The following KCTD8 variants were observed in gnomAD, a reference collection of about 807,000 sequenced individuals.
KCTD8 encodes the protein BTB/POZ domain-containing protein KCTD8.
KCTD8 carries 27 observed loss-of-function variants against 31.5 expected under a neutral mutation model. The observed-to-expected ratio is 0.86, with a 90% CI of 0.63 to 1.18. KCTD8 has a LOEUF of 1.18. Ranked by LOEUF, KCTD8 falls within the 50% of genes most tolerant of loss-of-function variation. The probability of loss-of-function intolerance (pLI) is 0.00; values close to 1 mark genes in which losing one functional copy is unlikely to be tolerated. For missense variants in KCTD8, 658 were observed against 647.7 expected, an observed-to-expected ratio of 1.02 and a Z score of -0.17; for synonymous variants, 290 against 280.0, an observed-to-expected ratio of 1.04 and a Z score of -0.36.
At chr4:44,382,753 C>G (rs1464341098) in intron 1 of KCTD8, among the ~76,000 whole-genome samples, 1 of 147,952 alleles carries the variant, frequency 6.8e-6, no homozygotes, top group South Asian at 2.1e-4. Context: ...AGAATTCAAA[C>G]AAGACAAGAA....
At chr4:44,185,291 A>G (rs1713551074) in intron 1 of KCTD8, among the ~76,000 whole-genome samples, 1 of 152,142 alleles carries the variant, frequency 6.6e-6, no homozygotes, top group Non-Finnish European at 1.5e-5. Context: ...CTCTGTTCCA[A>G]TTTCCACCAC....
intron 1 of KCTD8, among the ~76,000 whole-genome samples, chr4:44,198,414 T>C (rs1190779129): frequency 2.6e-5 from 4 of 152,012 alleles, no homozygotes; most frequent in East Asian, 1.9e-4. Flanking sequence ...TAGAGAAAGA[T>C]TGGGTTACTT....
chr4:44,319,193 G>A (rs1264743488), intron 1 of KCTD8, among the ~76,000 whole-genome samples: 1 of 152,178 alleles, frequency 6.6e-6, no homozygotes, highest in Non-Finnish European at 1.5e-5. Flanking sequence ...CTGAAGTACT[G>A]GTGAAATACT....
chr4:44,223,064 G>A (rs1714853852), intron 1 of KCTD8, among the ~76,000 whole-genome samples: 1 of 152,198 alleles, frequency 6.6e-6, no homozygotes, highest in Admixed American at 6.5e-5. Context: ...AATATTGGAA[G>A]CAGGGATGTT....
chr4:44,396,575 A>G (rs867218454), intron 1 of KCTD8, among the ~76,000 whole-genome samples: 17 of 152,126 alleles, frequency 1.1e-4, no homozygotes, highest in African/African-American at 3.6e-4. Flanking sequence ...TCTCATTAAC[A>G]TAAAAATTCT....
At chr4:44,397,611 C>T (rs1377441908) in intron 1 of KCTD8, among the ~76,000 whole-genome samples, 3 of 152,116 alleles carry the variant, frequency 2.0e-5, no homozygotes, top group Non-Finnish European at 2.9e-5. Flanking sequence ...ATGTCAACTG[C>T]AGTTGGCAAT....
Position 44,447,773 on chromosome 4 carries a change from T to C in KCTD8, c.751A>G (p.Thr251Ala). 1 of 1,611,196 alleles carries C rather than the reference T, an allele frequency of 6.2e-7. No homozygotes were observed. Among genetic ancestry groups the C allele is most frequent in the Non-Finnish European group, 8.5e-7 (1 of 1,178,678 alleles). ...TCGGGGTCGCGGCTCTCGTTGAGCGTGTCCCCGAAGACCTCCTTGGCCAGC... is the reference window on the plus strand; with the variant it reads ...TCGGGGTCGCGGCTCTCGTTGAGCGCGTCCCCGAAGACCTCCTTGGCCAGC... ...IALAKEVFGD[T>A]LNESRDPDRQ... The change falls in exon 1 of 2, where the codon ACG becomes GCG. Residue 251 changes from threonine to alanine, a missense_variant. Transcript: ENST00000360029.
intron 1 of KCTD8, among the ~76,000 whole-genome samples, chr4:44,257,455 T>C (rs909020693): frequency 6.6e-6 from 1 of 151,996 alleles, no homozygotes; most frequent in Admixed American, 6.6e-5. Flanking sequence ...GCTAGGACTG[T>C]CCCTTAGGGC....
intron 1 of KCTD8, among the ~76,000 whole-genome samples, chr4:44,352,552 TTA>T (rs1405345559): frequency 1.4e-5 from 2 of 147,416 alleles, no homozygotes; most frequent in Non-Finnish European, 3.0e-5. Context: ...TTTTTGTATA[TTA>T]TATATTAAAA....
chr4:44,389,872 T>C (rs1720322163), intron 1 of KCTD8, among the ~76,000 whole-genome samples: 1 of 152,046 alleles, frequency 6.6e-6, no homozygotes, highest in Non-Finnish European at 1.5e-5. Flanking sequence ...TTGATTTGCA[T>C]TTCCCTGATC....
Position 44,301,749 on chromosome 4 carries a change from T to C in KCTD8, c.962-126499A>G, listed in dbSNP as rs915063619. ...AGATCCCATTTGTCAATTTTGGCTT[T>C]TGTTGCCATTGCTTTTGGTGTTTTA... On this transcript the variant is annotated intron_variant, in intron 1 of 1. Coordinates refer to ENST00000360029, the MANE Select transcript of KCTD8 (RefSeq NM_198353.3). Among the ~76,000 whole-genome samples, 6 of 152,332 alleles carry C rather than the reference T, an allele frequency of 3.9e-5. No individual in the cohort carries two copies. The East Asian group carries it at 1.2e-3, about 29-fold the overall frequency.
At position 44,380,618 on chromosome 4, in the gene KCTD8, T is replaced by C. The variant is rs373020474; in HGVS notation, c.961+66945A>G. Among the ~76,000 whole-genome samples, 23 of 152,000 alleles carry C rather than the reference T, an allele frequency of 1.5e-4. 1 individual carries two copies. The East Asian group carries it at 1.6e-3, about 10-fold the overall frequency. On this transcript the variant is annotated intron_variant, in intron 1 of 1. Transcript: ENST00000360029. ...TGACATTATAGTACATAAATGATAA[T>C]TTCTTACTACAGAGTTTCCACAACG...
chr4:44,448,652 G>A lies in KCTD8; in HGVS notation c.-129C>T. On this transcript the variant is annotated 5_prime_UTR_variant, in exon 1 of 2. Transcript: ENST00000360029. The surrounding 1 kb of genome is among the most constrained non-coding windows in gnomAD (Gnocchi z 4.1). ...ACTGGGCGGCGCGTTCCTCCGACCG[G>A]GGCGGCCCCGCTCAGGGTTCGGGGC... The A allele has an allele frequency of 9.6e-7, 1 of 1,044,770 alleles. No individual in the cohort carries two copies. Among genetic ancestry groups the A allele is most frequent in the African/African-American group, 1.7e-5 (1 of 60,310 alleles). The allele number at this position is 1,044,770 out of a possible 1,614,324, so 64.7% of individuals were successfully genotyped here. A position where few individuals can be genotyped will look rare whatever the true frequency, so the allele number is the denominator to read the frequency against.
chr4:44,366,452 T>G (rs975757476), intron 1 of KCTD8, among the ~76,000 whole-genome samples: 3 of 152,212 alleles, frequency 2.0e-5, no homozygotes, highest in Non-Finnish European at 4.4e-5. Flanking sequence ...TGCTGCCATG[T>G]GAAGATGTGC....
chr4:44,372,741 T>A (rs1241034353), intron 1 of KCTD8, among the ~76,000 whole-genome samples: 1 of 152,228 alleles, frequency 6.6e-6, no homozygotes, highest in Non-Finnish European at 1.5e-5. Context: ...GGCAGAGATT[T>A]GTGTCTTAAT....
intron 1 of KCTD8, among the ~76,000 whole-genome samples, chr4:44,219,525 G>A (rs1189245986): frequency 6.6e-6 from 1 of 152,200 alleles, no homozygotes; most frequent in Non-Finnish European, 1.5e-5. Flanking sequence ...GAAGATAGAA[G>A]CAGAGACTGG....
At chr4:44,428,227 T>C (rs1055633099) in intron 1 of KCTD8, among the ~76,000 whole-genome samples, 8 of 151,776 alleles carry the variant, frequency 5.3e-5, no homozygotes, top group African/African-American at 1.7e-4. Context: ...GAATTTAAGA[T>C]AAATTATAAA....
At chr4:44,260,578 C>T (rs866771149) in intron 1 of KCTD8, among the ~76,000 whole-genome samples, 2 of 151,820 alleles carry the variant, frequency 1.3e-5, no homozygotes, top group Admixed American at 6.6e-5. Context: ...AAGGCATGAA[C>T]GAAATGAGAG....
chr4:44,295,647 C>T (rs1717408019), intron 1 of KCTD8, among the ~76,000 whole-genome samples: 1 of 152,096 alleles, frequency 6.6e-6, no homozygotes, highest in African/African-American at 2.4e-5. Flanking sequence ...AACAGAATAG[C>T]ACAGACTGGT....
Sources: allele counts gnomAD v4.1 joint callset (sites outside exome capture counted in the v4.1 genomes callset), GRCh38; gene constraint gnomAD v4.1.1; non-coding constraint Gnocchi (gnomAD v3.1); transcripts MANE v1.5; gene names NCBI Gene and HGNC (gene_info 2026-07-23, HGNC 2026-07-21).